The following EBF1 variants were observed in gnomAD, a reference collection of about 807,000 sequenced individuals.
EBF1 encodes EBF transcription factor 1.
A neutral mutation model predicts 68.4 loss-of-function variants in EBF1; 10 were observed. That is an observed-to-expected ratio of 0.15 (90% CI 0.09 to 0.25). The LOEUF (loss-of-function observed/expected upper bound fraction) is 0.25. Ranked by LOEUF, EBF1 falls within the 10% of genes least tolerant of loss-of-function variation. The probability of loss-of-function intolerance (pLI) is 1.00; values close to 1 mark genes in which losing one functional copy is unlikely to be tolerated. For missense variants in EBF1, 509 were observed against 794.4 expected (o/e 0.64, Z 4.32); for synonymous variants, 298 against 299.8 (o/e 0.99, Z 0.06).
intron 6 of EBF1, among the ~76,000 whole-genome samples, chr5:159,072,713 T>C (rs529192734): frequency 6.6e-6 from 1 of 152,352 alleles, no homozygotes; most frequent in Admixed American, 6.5e-5. Flanking sequence ...GGAATGCGAC[T>C]TTGCATAATG....
At chr5:158,852,023 G>A (rs1792973160) in intron 6 of EBF1, among the ~76,000 whole-genome samples, 1 of 35,654 alleles carries the variant, frequency 2.8e-5, no homozygotes, top group African/African-American at 1.0e-4. Flanking sequence ...GAGAGGGGAG[G>A]GGAGGGAAAG....
At chr5:159,096,893 G>C in intron 2 of EBF1, 81 bp downstream of exon 2, 1 of 1,523,034 alleles carries the variant, frequency 6.6e-7, no homozygotes, top group South Asian at 1.2e-5. Context: ...TGCACTCAAG[G>C]AAGGGCGCGC....
intron 6 of EBF1, among the ~76,000 whole-genome samples, chr5:158,953,321 AT>A (rs1229287526): frequency 6.6e-6 from 1 of 152,166 alleles, no homozygotes; most frequent in African/African-American, 2.4e-5. Context: ...ACTTTAACAC[AT>A]TTTATTTACC....
At chr5:158,979,491 C>T (rs932560530) in intron 6 of EBF1, among the ~76,000 whole-genome samples, 3 of 151,880 alleles carry the variant, frequency 2.0e-5, no homozygotes, top group South Asian at 2.1e-4. Flanking sequence ...TAGGTTTTTG[C>T]GATGGTAAAT....
At chr5:158,939,740 G>C (rs547025762) in intron 6 of EBF1, among the ~76,000 whole-genome samples, 5 of 142,974 alleles carry the variant, frequency 3.5e-5, no homozygotes. Context: ...GATTAACCGT[G>C]TCTGCTTTCC....
chr5:159,085,054 A>G (rs1300875632), intron 4 of EBF1, among the ~76,000 whole-genome samples: 1 of 152,236 alleles, frequency 6.6e-6, no homozygotes, highest in Admixed American at 6.5e-5. Context: ...GGGAAACCCC[A>G]GAAGGCTTAG....
chr5:159,021,142 C>T (rs1279479984), intron 6 of EBF1, among the ~76,000 whole-genome samples: 1 of 152,176 alleles, frequency 6.6e-6, no homozygotes, highest in Non-Finnish European at 1.5e-5. Flanking sequence ...TCTGCAACTT[C>T]CTTACTTCAG....
chr5:158,853,283 G>C (rs1793332916), intron 6 of EBF1, among the ~76,000 whole-genome samples: 1 of 152,236 alleles, frequency 6.6e-6, no homozygotes, highest in South Asian at 2.1e-4. Context: ...GGCCTGGCCA[G>C]TCAGAGTATC....
chr5:158,851,564 GAAA>G (rs1792717380), intron 6 of EBF1, among the ~76,000 whole-genome samples: 1 of 16,860 alleles, frequency 5.9e-5, no homozygotes, highest in Non-Finnish European at 1.3e-4. Flanking sequence ...AGAGGGGAGG[GAAA>G]AAGGGAAGGG....
chr5:159,000,620 A>C (rs548748086), intron 6 of EBF1, among the ~76,000 whole-genome samples: 1 of 152,326 alleles, frequency 6.6e-6, no homozygotes, highest in African/African-American at 2.4e-5. Context: ...TTTCAAGTAA[A>C]AATTAGAATT....
At chr5:158,785,862 GAGATGT>G (rs1404328076) in intron 9 of EBF1, among the ~76,000 whole-genome samples, 1 of 152,160 alleles carries the variant, frequency 6.6e-6, no homozygotes, top group African/African-American at 2.4e-5. Context: ...GGATGGTAGA[GAGATGT>G]AGATATGCTT....
rs113936110 is a variant in EBF1 at position 159,097,483 on chromosome 5, A to G, written c.135-353T>C. The G allele has an allele frequency of 5.6e-3, 1,750 of 311,698 alleles. 34 individuals carry two copies. The highest frequency in any genetic ancestry group is 0.035 in the African/African-American group (1,649 of 47,456). The allele number at this position is 311,698 out of a possible 1,614,324, so 19.3% of individuals were successfully genotyped here. Reference sequence around the variant, plus strand: ...AAGTGGCGGTGGATGAAGTGAACCCACCTTCGCGGAGTAGAACCCACAGTT... The same window carrying G: ...AAGTGGCGGTGGATGAAGTGAACCCGCCTTCGCGGAGTAGAACCCACAGTT... On this transcript the variant is annotated intron_variant, in intron 1 of 15. Coordinates refer to ENST00000313708, the MANE Select transcript of EBF1 (RefSeq NM_024007.5).
intron 5 of EBF1, among the ~76,000 whole-genome samples, chr5:159,082,599 AT>A (rs1459159509): frequency 6.6e-6 from 1 of 152,124 alleles, no homozygotes; most frequent in South Asian, 2.1e-4. Flanking sequence ...GAAAGTGAGA[AT>A]TTTTTTCCTA....
Position 159,092,726 on chromosome 5 carries a change from G to A in EBF1, c.411+2894C>T, listed in dbSNP as rs907815965. 2.0e-5 allele frequency among the ~76,000 whole-genome samples: 3 copies of A among 152,170 alleles called. No homozygotes were observed. In the East Asian group the frequency reaches 5.8e-4, roughly 29 times the overall value. On this transcript the variant is annotated intron_variant, in intron 4 of 15. Transcript: ENST00000313708. ...ATCACTCACATAAAGCTGCATCTCT[G>A]ATAGGAAAAATGTTATAATAAACAG...
chr5:159,051,223 C>A (rs1773587039), intron 6 of EBF1, among the ~76,000 whole-genome samples: 2 of 151,720 alleles, frequency 1.3e-5, no homozygotes, highest in Admixed American at 1.3e-4. Flanking sequence ...TATTTTAATT[C>A]TCAAATATTC....
At chr5:159,090,270 G>C (rs1307902041) in intron 4 of EBF1, among the ~76,000 whole-genome samples, 1 of 144,156 alleles carries the variant, frequency 6.9e-6, no homozygotes, top group Non-Finnish European at 1.5e-5. Flanking sequence ...AAAAAAAAAG[G>C]TGCTAGCTAA....
At chr5:158,998,734 C>T (rs963325738) in intron 6 of EBF1, among the ~76,000 whole-genome samples, 2 of 152,074 alleles carry the variant, frequency 1.3e-5, no homozygotes, top group Non-Finnish European at 2.9e-5. Flanking sequence ...AAGGGAAGCA[C>T]AAAAGTAGGC....
intron 6 of EBF1, among the ~76,000 whole-genome samples, chr5:158,845,508 T>C (rs1791285802): frequency 6.6e-6 from 1 of 152,156 alleles, no homozygotes. Flanking sequence ...GTTGAAATAG[T>C]ACCTGCCATA....
chr5:158,745,080 C>A (rs1011710297), intron 10 of EBF1, among the ~76,000 whole-genome samples: 1 of 152,160 alleles, frequency 6.6e-6, no homozygotes, highest in Non-Finnish European at 1.5e-5. Context: ...AGAATTTAAT[C>A]TTCCCCTTTG....
Sources: gnomAD v4.1 joint callset for allele counts (sites outside exome capture counted in the v4.1 genomes callset) on GRCh38, gnomAD v4.1.1 for gene constraint, MANE v1.5 for transcripts, NCBI Gene and HGNC (gene_info 2026-07-23, HGNC 2026-07-21) for gene names.